The following CCR3 variants were observed in gnomAD, a reference collection of about 807,000 sequenced individuals.
CCR3 encodes C-C chemokine receptor type 3.
For missense variants in CCR3, 419 were observed against 437.5 expected (o/e 0.96, Z 0.38); for synonymous variants, 203 against 179.2 (o/e 1.13, Z -1.06).
intron 2 of CCR3, among the ~76,000 whole-genome samples, chr3:46,237,433 T>C (rs991963806): frequency 3.3e-5 from 5 of 152,238 alleles, no homozygotes; most frequent in African/African-American, 1.2e-4. Context: ...AGAAGCTTTT[T>C]AGTTTAATAC....
chr3:46,221,223 G>A (rs147387429), intron 2 of CCR3, among the ~76,000 whole-genome samples: 1 of 145,908 alleles, frequency 6.9e-6, no homozygotes, highest in Non-Finnish European at 1.5e-5. Context: ...CCTCCAGAAA[G>A]CTGGTTGTTA....
At chr3:46,231,706 G>T (rs1699968179) in intron 2 of CCR3, among the ~76,000 whole-genome samples, 1 of 152,116 alleles carries the variant, frequency 6.6e-6, no homozygotes. Flanking sequence ...TATGATGAGG[G>T]TTTCACAGGG....
chr3:46,242,963 G>GTATATATATATATATATATACACATA (rs71095086), intron 1 of CCR3, among the ~76,000 whole-genome samples: 1 of 86,298 alleles, frequency 1.2e-5, no homozygotes, highest in Non-Finnish European at 2.2e-5. Flanking sequence ...ATATATATGT[G>GTATATATATATATATATATACACATA]TATATATATA....
At position 46,266,574 on chromosome 3, in the gene CCR3, C is replaced by T. The variant is rs1700639742; in HGVS notation, c.*348C>T. 4.8e-6 allele frequency: 1 copy of T among 209,610 alleles called. No homozygotes were observed. The highest frequency in any genetic ancestry group is 2.3e-5 in the African/African-American group (1 of 43,074). 13.0% of individuals were successfully genotyped at this position (209,610 alleles called of 1,614,324 possible). ...TTATATTTTATACATTAACTTCAGC[C>T]AGCTATTGATATAAATAAAACATTT... On this transcript the variant is annotated 3_prime_UTR_variant, in exon 2 of 2. Transcript: ENST00000395940.
At chr3:46,218,804 A>G (rs1699803432) in intron 2 of CCR3, among the ~76,000 whole-genome samples, 1 of 152,202 alleles carries the variant, frequency 6.6e-6, no homozygotes, top group Non-Finnish European at 1.5e-5. Flanking sequence ...ACCCTTAGCA[A>G]AATCAGCATA....
chr3:46,244,675 T>C (rs1483316204), intron 1 of CCR3, among the ~76,000 whole-genome samples: 2 of 152,210 alleles, frequency 1.3e-5, no homozygotes, highest in Non-Finnish European at 2.9e-5. Flanking sequence ...CCATTTTCAC[T>C]TCTTTTGTGG....
intron 2 of CCR3, among the ~76,000 whole-genome samples, chr3:46,223,126 G>A (rs2125923866): frequency 6.6e-6 from 1 of 152,312 alleles, no homozygotes; most frequent in East Asian, 1.9e-4. Flanking sequence ...GGCTGAGGTG[G>A]GTGGATCATG....
intron 1 of CCR3, among the ~76,000 whole-genome samples, chr3:46,250,862 A>T (rs1364299874): frequency 6.6e-6 from 1 of 151,586 alleles, no homozygotes; most frequent in East Asian, 1.9e-4. Context: ...CATGGAAATA[A>T]GGGATTGGGG....
chr3:46,215,564 AT>A (rs1699764540), intron 2 of CCR3, among the ~76,000 whole-genome samples: 1 of 152,194 alleles, frequency 6.6e-6, no homozygotes, highest in African/African-American at 2.4e-5. Context: ...GGGAGTCTGC[AT>A]TTTTATCAGA....
chr3:46,246,365 G>A (rs1038266762), intron 1 of CCR3, among the ~76,000 whole-genome samples: 2 of 152,132 alleles, frequency 1.3e-5, no homozygotes, highest in Non-Finnish European at 2.9e-5. Context: ...GGCTGAGTCC[G>A]AAAAGAGAGT....
At chr3:46,224,737 A>G (rs997688048) in intron 2 of CCR3, among the ~76,000 whole-genome samples, 23 of 148,906 alleles carry the variant, frequency 1.5e-4, no homozygotes, top group Non-Finnish European at 2.7e-4. Context: ...ACTCTGTCAA[A>G]AAAAAAAAAA....
At chr3:46,246,897 A>AGG (rs1700203749) in intron 1 of CCR3, among the ~76,000 whole-genome samples, 2 of 152,100 alleles carry the variant, frequency 1.3e-5, no homozygotes, top group African/African-American at 4.8e-5. Context: ...ATTAAGCTGA[A>AGG]GGGAGGTCTT....
chr3:46,243,005 G>GTATATATA (rs1326660990), intron 1 of CCR3, among the ~76,000 whole-genome samples: 2 of 131,476 alleles, frequency 1.5e-5, no homozygotes, highest in African/African-American at 5.7e-5. Context: ...ATATATATAC[G>GTATATATA]CACACACACA....
upstream of CCR3, among the ~76,000 whole-genome samples, chr3:46,240,566 CTTGCA>C (rs1392680819): frequency 2.0e-5 from 3 of 152,178 alleles, no homozygotes; most frequent in Non-Finnish European, 2.9e-5. Flanking sequence ...CCCTGTAGAA[CTTGCA>C]TTTGACATCC....
intron 1 of CCR3, among the ~76,000 whole-genome samples, chr3:46,245,803 G>T (rs761605905): frequency 6.6e-6 from 1 of 152,086 alleles, no homozygotes; most frequent in Non-Finnish European, 1.5e-5. Flanking sequence ...AGAACATGTC[G>T]TATTTGGTTT....
intron 1 of CCR3, among the ~76,000 whole-genome samples, chr3:46,263,078 T>G (rs1240799914): frequency 2.0e-5 from 3 of 152,234 alleles, no homozygotes; most frequent in Non-Finnish European, 4.4e-5. Flanking sequence ...TAGGCAGCCC[T>G]GAAACCCAAA....
intron 2 of CCR3, among the ~76,000 whole-genome samples, chr3:46,232,825 G>C (rs1338454284): frequency 6.6e-6 from 1 of 152,128 alleles, no homozygotes; most frequent in Non-Finnish European, 1.5e-5. Flanking sequence ...TATCTATCAG[G>C]GGAATAATCC....
chr3:46,264,332 GTTAA>G, intron 1 of CCR3: 1 of 988,246 alleles, frequency 1.0e-6, no homozygotes, highest in Non-Finnish European at 1.5e-6. Flanking sequence ...TATTGTAATA[GTTAA>G]TTACTGTGAT....
At chr3:46,212,257 G>T (rs1371778060) in intron 2 of CCR3, among the ~76,000 whole-genome samples, 1 of 152,164 alleles carries the variant, frequency 6.6e-6, no homozygotes, top group Non-Finnish European at 1.5e-5. Flanking sequence ...ATTTGGTGGT[G>T]CCGTGATCAC....
Sources: gnomAD v4.1 joint callset for allele counts (sites outside exome capture counted in the v4.1 genomes callset) on GRCh38, gnomAD v4.1.1 for gene constraint, MANE v1.5 for transcripts, NCBI Gene and HGNC (gene_info 2026-07-23, HGNC 2026-07-21) for gene names.